EPHA3: variants seen among roughly 807,000 people sequenced by gnomAD.
EPHA3 encodes EPH receptor A3.
Under a neutral mutation model 107.1 loss-of-function variants are expected in EPHA3, and 42 were observed. The observed-to-expected ratio is 0.39, with a 90% CI of 0.31 to 0.51. The LOEUF (loss-of-function observed/expected upper bound fraction) is 0.51. Ranked by LOEUF, EPHA3 falls within the 20% of genes least tolerant of loss-of-function variation. The pLI, the probability that EPHA3 is intolerant of heterozygous loss-of-function variation, is 0.78. For synonymous variants in EPHA3, 461 were observed against 424.8 expected (o/e 1.09, Z -1.05); for missense variants, 1,183 against 1,211.2 (o/e 0.98, Z 0.35).
chr3:89,404,479 C>G (rs1291038578), intron 7 of EPHA3, among the ~76,000 whole-genome samples: 2 of 152,114 alleles, frequency 1.3e-5, no homozygotes, highest in African/African-American at 4.8e-5. Context: ...AGAAAGCCAG[C>G]ACTCTGTGTA....
intron 1 of EPHA3, among the ~76,000 whole-genome samples, chr3:89,116,595 GT>G (rs1191884327): frequency 1.3e-5 from 2 of 151,908 alleles, no homozygotes; most frequent in South Asian, 2.1e-4. Context: ...TAGCACATAT[GT>G]TTTGCATTAA....
intron 1 of EPHA3, among the ~76,000 whole-genome samples, chr3:89,125,526 A>C (rs1192277554): frequency 2.0e-5 from 3 of 151,710 alleles, no homozygotes; most frequent in Non-Finnish European, 4.4e-5. Context: ...GCATACTGTT[A>C]ATTTCCAAAC....
In EPHA3 at chr3:89,199,547, G is replaced by A. The variant is rs182530121; in HGVS notation, c.154-10313G>A. Reference sequence around the variant, plus strand: ...ATATCTGTTTCGAGTCAATGCTTCTGGCTAGAAATTCTCTTCTTTGGTAAA... The same window carrying A: ...ATATCTGTTTCGAGTCAATGCTTCTAGCTAGAAATTCTCTTCTTTGGTAAA... On this transcript the variant is annotated intron_variant, in intron 2 of 16. Coordinates refer to ENST00000336596, the MANE Select transcript of EPHA3 (RefSeq NM_005233.6). 1.6e-4 allele frequency among the ~76,000 whole-genome samples: 24 copies of A among 152,048 alleles called. No homozygotes were observed. In the East Asian group the frequency reaches 4.6e-3, roughly 29 times the overall value.
At chr3:89,118,173 G>A (rs1195011732) in intron 1 of EPHA3, among the ~76,000 whole-genome samples, 1 of 151,934 alleles carries the variant, frequency 6.6e-6, no homozygotes, top group Non-Finnish European at 1.5e-5. Flanking sequence ...TTTTATTATA[G>A]TGTTCTTGAC....
chr3:89,362,481 C>A (rs1458384857), intron 5 of EPHA3, among the ~76,000 whole-genome samples: 1 of 151,042 alleles, frequency 6.6e-6, no homozygotes, highest in Non-Finnish European at 1.5e-5. Context: ...TAGAGCCCTT[C>A]GTCTTAAATG....
intron 1 of EPHA3, among the ~76,000 whole-genome samples, chr3:89,112,879 A>G (rs1707147175): frequency 6.6e-6 from 1 of 151,944 alleles, no homozygotes; most frequent in South Asian, 2.1e-4. Context: ...TAAGTTTTAC[A>G]AGTTATTTTC....
At chr3:89,225,658 A>G (rs1414578997) in intron 3 of EPHA3, among the ~76,000 whole-genome samples, 1 of 152,178 alleles carries the variant, frequency 6.6e-6, no homozygotes, top group Non-Finnish European at 1.5e-5. Context: ...GTTCATAGTG[A>G]AGTTCTTTAC....
intron 2 of EPHA3, among the ~76,000 whole-genome samples, chr3:89,204,556 A>G (rs1245923360): frequency 2.6e-5 from 4 of 151,304 alleles, no homozygotes; most frequent in South Asian, 4.2e-4. Flanking sequence ...ACTATTTGAC[A>G]TTACTCTGAT....
intron 1 of EPHA3, among the ~76,000 whole-genome samples, chr3:89,120,588 A>T (rs1315179235): frequency 1.3e-5 from 2 of 152,248 alleles, no homozygotes; most frequent in Admixed American, 6.5e-5. Flanking sequence ...AAATTTTAAC[A>T]CTTGATAAAC....
intron 10 of EPHA3, among the ~76,000 whole-genome samples, chr3:89,416,248 G>A (rs1202837842): frequency 6.6e-6 from 1 of 151,116 alleles, no homozygotes; most frequent in Admixed American, 6.6e-5. Flanking sequence ...CTATTTCAAA[G>A]AGCAAATAAA....
At chr3:89,372,888 C>T (rs1460450551) in intron 5 of EPHA3, among the ~76,000 whole-genome samples, 2 of 151,660 alleles carry the variant, frequency 1.3e-5, no homozygotes, top group Non-Finnish European at 1.5e-5. Context: ...AGAAAATCAG[C>T]TAAAACCACA....
In EPHA3 at chr3:89,356,515, T is replaced by C. The variant is rs187126905; in HGVS notation, c.1306+14425T>C. On this transcript the variant is annotated intron_variant, in intron 5 of 16. Coordinates refer to ENST00000336596, the MANE Select transcript of EPHA3 (RefSeq NM_005233.6). ...CACCTGTTGTTTCCTGACTTTTTAA[T>C]GATTGCCATTCTAGTAAGATCAAAT... 1.6e-3 allele frequency among the ~76,000 whole-genome samples: 248 copies of C among 151,474 alleles called. 6 individuals carry two copies. The highest frequency in any genetic ancestry group is 6.8e-3 in the Middle Eastern group (2 of 294).
intron 3 of EPHA3, among the ~76,000 whole-genome samples, chr3:89,228,512 A>C (rs1704553196): frequency 6.6e-6 from 1 of 151,968 alleles, no homozygotes; most frequent in African/African-American, 2.4e-5. Context: ...TTACATAAAA[A>C]TTTTGTGTGT....
intron 2 of EPHA3, among the ~76,000 whole-genome samples, chr3:89,195,665 A>G (rs144536515): frequency 2.6e-5 from 4 of 152,272 alleles, no homozygotes; most frequent in East Asian, 1.9e-4. Flanking sequence ...TGCTTATTCA[A>G]TGAGTGGATT....
At chr3:89,405,012 C>T (rs532978477) in intron 7 of EPHA3, among the ~76,000 whole-genome samples, 1 of 152,194 alleles carries the variant, frequency 6.6e-6, no homozygotes, top group South Asian at 2.1e-4. Flanking sequence ...GATGTAACAG[C>T]CAGATGCTCT....
Position 89,480,927 on chromosome 3 carries a change from AG to A in EPHA3, c.*1427del. 1 of 232,032 alleles carries A rather than the reference AG, an allele frequency of 4.3e-6. No individual in the cohort carries two copies. The highest frequency in any genetic ancestry group is 8.5e-6 in the Non-Finnish European group (1 of 117,080). The allele number at this position is 232,032 out of a possible 1,614,324, so 14.4% of individuals were successfully genotyped here. The stretch of plus-strand genomic sequence containing the variant: ...AGCAACCGCCTCAAAATGTGTAAGC[AG>A]GAGAGAAATTTCTCATCACAGGGAT... On this transcript the variant is annotated 3_prime_UTR_variant, in exon 17 of 17. Transcript: ENST00000336596.
chr3:89,447,894 G>A (rs145462616), intron 13 of EPHA3, among the ~76,000 whole-genome samples: 1 of 152,222 alleles, frequency 6.6e-6, no homozygotes, highest in Non-Finnish European at 1.5e-5. Context: ...TTGCCCCCTT[G>A]AGCATCACTT....
intron 2 of EPHA3, among the ~76,000 whole-genome samples, chr3:89,161,791 G>A (rs1461115366): frequency 6.6e-6 from 1 of 151,828 alleles, no homozygotes; most frequent in African/African-American, 2.4e-5. Context: ...AGCCTGGGCA[G>A]CATGGTGAAA....
intron 5 of EPHA3, among the ~76,000 whole-genome samples, chr3:89,355,899 T>A (rs935675734): frequency 6.7e-6 from 1 of 150,346 alleles, no homozygotes; most frequent in Admixed American, 6.7e-5. Context: ...TAGTTACATA[T>A]GTATACATGT....
Sources: gnomAD v4.1 joint callset for allele counts (sites outside exome capture counted in the v4.1 genomes callset) on GRCh38, gnomAD v4.1.1 for gene constraint, MANE v1.5 for transcripts, NCBI Gene and HGNC (gene_info 2026-07-23, HGNC 2026-07-21) for gene names.